NUDT9: variants seen among roughly 807,000 people sequenced by gnomAD.
NUDT9 encodes the protein nudix hydrolase 9.
In NUDT9, 31 loss-of-function variants were observed where a neutral mutation model predicts 41.0. That is an observed-to-expected ratio of 0.76 (90% confidence interval 0.57 to 1.02). The LOEUF (loss-of-function observed/expected upper bound fraction) is 1.02. Ranked by LOEUF, NUDT9 falls within the 50% of genes least tolerant of loss-of-function variation. The probability of loss-of-function intolerance (pLI) is 0.00; values close to 1 mark genes in which losing one functional copy is unlikely to be tolerated. For missense variants in NUDT9, 380 were observed against 431.4 expected (o/e 0.88, Z 1.06); for synonymous variants, 146 against 147.6 (o/e 0.99, Z 0.08).
rs746784411 is a variant in NUDT9, at chr4:87,457,849, TA to T, written c.883del (p.Met295TrpfsTer6). ...GTTTTTCTTTGGCAACCAGGTGAGA[TA>T]ATGGATAATCTTATGCTAGAAGCTG... ...AVNYHDETGE[I>X]MDNLMLEAGD... On this transcript the variant is annotated frameshift_variant, in exon 8 of 8. Coordinates refer to ENST00000302174, the MANE Select transcript of NUDT9 (RefSeq NM_024047.5). LOFTEE classifies it high-confidence loss of function. The T allele has an allele frequency of 6.2e-7, 1 of 1,609,960 alleles. No homozygotes were observed. Among genetic ancestry groups the T allele is most frequent in the Admixed American group, 1.7e-5 (1 of 59,002 alleles).
At position 87,429,596 on chromosome 4, in the gene NUDT9, T is replaced by C. The variant is rs960051155; in HGVS notation, c.108-5385T>C. Among the ~76,000 whole-genome samples the C allele has an allele frequency of 2.6e-4, 39 of 152,082 alleles. 1 individual carries two copies. The highest frequency in any genetic ancestry group is 2.4e-3 in the Admixed American group (37 of 15,264). On this transcript the variant is annotated intron_variant, in intron 1 of 7. Coordinates refer to ENST00000302174, the MANE Select transcript of NUDT9 (RefSeq NM_024047.5). ...TCCTTGTTTCCTTTTCCTTCAGTTT[T>C]CTTATCCTTTTTAAATTTGTTTTTC...
chr4:87,428,187 A>G (rs1351448364), intron 1 of NUDT9, among the ~76,000 whole-genome samples: 1 of 152,214 alleles, frequency 6.6e-6, no homozygotes, highest in Admixed American at 6.5e-5. Flanking sequence ...TTGCAGATGT[A>G]AAGTGAGTGT....
intron 4 of NUDT9, among the ~76,000 whole-genome samples, chr4:87,444,680 T>G (rs1459366137): frequency 6.6e-6 from 1 of 152,194 alleles, no homozygotes; most frequent in African/African-American, 2.4e-5. Context: ...GTTTTGAAGG[T>G]TAGAATCTAG....
At chr4:87,439,673 A>G (rs1344686389) in intron 3 of NUDT9, among the ~76,000 whole-genome samples, 1 of 152,058 alleles carries the variant, frequency 6.6e-6, no homozygotes, top group Non-Finnish European at 1.5e-5. Flanking sequence ...CAAACAACAA[A>G]AAAACCATCA....
At chr4:87,457,017 C>A (rs920621725) in intron 7 of NUDT9, among the ~76,000 whole-genome samples, 1 of 152,024 alleles carries the variant, frequency 6.6e-6, no homozygotes, top group African/African-American at 2.4e-5. Context: ...AGAATAAATT[C>A]TTCAAAGAGG....
intron 2 of NUDT9, among the ~76,000 whole-genome samples, chr4:87,435,601 A>G (rs1370930147): frequency 6.6e-6 from 1 of 152,180 alleles, no homozygotes; most frequent in Admixed American, 6.5e-5. Flanking sequence ...CAACATAGCT[A>G]GACTTGTGAA....
chr4:87,455,041 TTGAA>T (rs1483667935), intron 7 of NUDT9, among the ~76,000 whole-genome samples: 1 of 152,250 alleles, frequency 6.6e-6, no homozygotes, highest in Non-Finnish European at 1.5e-5. Flanking sequence ...AATGTACACA[TTGAA>T]TGGCTCCCTT....
intron 3 of NUDT9, 41 bp downstream of exon 3, chr4:87,438,413 C>T: frequency 1.9e-6 from 2 of 1,074,042 alleles, no homozygotes; most frequent in South Asian, 1.3e-5. Context: ...AATGAGTCAC[C>T]AAAAAGTAGA....
intron 1 of NUDT9, among the ~76,000 whole-genome samples, chr4:87,426,543 A>G (rs751741859): frequency 3.3e-5 from 5 of 151,614 alleles, no homozygotes; most frequent in Non-Finnish European, 5.9e-5. Flanking sequence ...GTGAGTAGCT[A>G]GGATTACAGG....
Position 87,457,877 on chromosome 4 carries a change from A to T in NUDT9, c.909A>T (p.Gly303=). ...EIMDNLMLEA[G]DDAGKVKWVD... is the part of the protein sequence containing the mutation. ...TGGATAATCTTATGCTAGAAGCTGG[A>T]GATGATGCTGGAAAAGTGAAATGGG... is the stretch of plus-strand genomic sequence containing the variant. Residue 303 remains glycine (G), a synonymous_variant, in exon 8 of 8, where the codon GGA becomes GGT. Coordinates refer to ENST00000302174, the MANE Select transcript of NUDT9 (RefSeq NM_024047.5). 1 of 1,611,678 alleles carries T rather than the reference A, an allele frequency of 6.2e-7. No individual in the cohort carries two copies. Among genetic ancestry groups the T allele is most frequent in the Non-Finnish European group, 8.5e-7 (1 of 1,179,088 alleles).
At chr4:87,434,063 T>C (rs1028011259) in intron 1 of NUDT9, among the ~76,000 whole-genome samples, 1 of 152,204 alleles carries the variant, frequency 6.6e-6, no homozygotes, top group Non-Finnish European at 1.5e-5. Context: ...TATATGTATA[T>C]ATATTTTTTG....
chr4:87,423,617 T>C (rs1385124357), intron 1 of NUDT9, among the ~76,000 whole-genome samples: 2 of 152,204 alleles, frequency 1.3e-5, no homozygotes, highest in African/African-American at 2.4e-5. Flanking sequence ...TTAAAAGTCT[T>C]GAATCTACAA....
chr4:87,444,176 A>C lies in NUDT9; in HGVS notation c.530+2261A>C, dbSNP rs138419915. 3.6e-3 allele frequency among the ~76,000 whole-genome samples: 551 copies of C among 152,246 alleles called. 3 individuals are homozygous for C. The highest frequency in any genetic ancestry group is 0.012 in the African/African-American group (518 of 41,558). On this transcript the variant is annotated intron_variant, in intron 4 of 7. Coordinates refer to ENST00000302174, the MANE Select transcript of NUDT9 (RefSeq NM_024047.5). ...AATTGTCATGTTCTTTCTTTAAATA[A>C]TGCAAATATCCTCATATTGTTACTT...
chr4:87,439,474 G>T (rs1215742999), intron 3 of NUDT9, among the ~76,000 whole-genome samples: 2 of 152,040 alleles, frequency 1.3e-5, no homozygotes, highest in Non-Finnish European at 2.9e-5. Context: ...TGGCCAATAT[G>T]GCAGAACCCT....
At chr4:87,430,719 C>T (rs955709167) in intron 1 of NUDT9, among the ~76,000 whole-genome samples, 2 of 152,014 alleles carry the variant, frequency 1.3e-5, no homozygotes, top group South Asian at 2.1e-4. Flanking sequence ...GCTTATTGGC[C>T]ATTTGTATAT....
chr4:87,441,924 C>A lies in NUDT9; in HGVS notation c.530+9C>A. The A allele has an allele frequency of 1.3e-6, 2 of 1,574,988 alleles. No homozygotes were observed. The highest frequency in any genetic ancestry group is 1.7e-6 in the Non-Finnish European group (2 of 1,161,890). On this transcript the variant is annotated intron_variant, in intron 4 of 7. Coordinates refer to ENST00000302174, the MANE Select transcript of NUDT9 (RefSeq NM_024047.5). ...GATCCCATTATAACCAGGTAAGAAC[C>A]AATAAAAAGCATATCAGTAGCAAAG...
At chr4:87,455,308 G>GT (rs1173510441) in intron 7 of NUDT9, among the ~76,000 whole-genome samples, 1 of 152,080 alleles carries the variant, frequency 6.6e-6, no homozygotes, top group Non-Finnish European at 1.5e-5. Context: ...TTCTATTCCT[G>GT]TATTTCCACT....
chr4:87,439,807 G>A (rs990783156), intron 3 of NUDT9, among the ~76,000 whole-genome samples: 1 of 152,112 alleles, frequency 6.6e-6, no homozygotes, highest in East Asian at 1.9e-4. Context: ...GTGAGATTTG[G>A]GTGGAGTCAC....
At chr4:87,431,612 G>A (rs184654140) in intron 1 of NUDT9, among the ~76,000 whole-genome samples, 8 of 152,150 alleles carry the variant, frequency 5.3e-5, no homozygotes, top group African/African-American at 1.7e-4. Context: ...CAGTGTATAA[G>A]AGTTTTGCTT....
Sources: gnomAD v4.1 joint callset for allele counts (sites outside exome capture counted in the v4.1 genomes callset) on GRCh38, gnomAD v4.1.1 for gene constraint, MANE v1.5 for transcripts, NCBI Gene and HGNC (gene_info 2026-07-23, HGNC 2026-07-21) for gene names.